The following BMPR1B variants were observed in gnomAD, a reference collection of about 807,000 sequenced individuals.
BMPR1B encodes the protein bone morphogenetic protein receptor type 1B.
A neutral mutation model predicts 59.1 loss-of-function variants in BMPR1B; 12 were observed. That is an observed-to-expected ratio of 0.20 (90% CI 0.13 to 0.33). The LOEUF is 0.33. BMPR1B is among the 10% of genes least tolerant of loss of function. The probability of loss-of-function intolerance (pLI) is 1.00; values close to 1 mark genes in which losing one functional copy is unlikely to be tolerated. For synonymous variants in BMPR1B, 237 were observed against 207.3 expected (o/e 1.14, Z -1.23); for missense variants, 550 against 610.9 (o/e 0.90, Z 1.05).
At chr4:95,010,984 TAA>T (rs559778340) in intron 3 of BMPR1B, among the ~76,000 whole-genome samples, 170 of 152,352 alleles carry the variant, frequency 1.1e-3, no homozygotes, top group African/African-American at 3.9e-3. Flanking sequence ...TAGAAAAAAC[TAA>T]AAGTTATTTC....
chr4:95,089,311 T>G (rs956943140), intron 3 of BMPR1B, among the ~76,000 whole-genome samples: 1 of 152,138 alleles, frequency 6.6e-6, no homozygotes, highest in Admixed American at 6.6e-5. Flanking sequence ...ACAGGCTTTT[T>G]GTTGTTCTTT....
intron 10 of BMPR1B, among the ~76,000 whole-genome samples, chr4:95,140,060 G>A (rs1734109583): frequency 6.6e-6 from 1 of 152,154 alleles, no homozygotes; most frequent in South Asian, 2.1e-4. Flanking sequence ...CGGCCATCTT[G>A]TAACTTCCCC....
chr4:95,119,870 A>G (rs191133406), intron 6 of BMPR1B, among the ~76,000 whole-genome samples: 2 of 152,286 alleles, frequency 1.3e-5, no homozygotes, highest in East Asian at 3.9e-4. Flanking sequence ...AGATAATCCA[A>G]AGATTTTCTG....
intron 6 of BMPR1B, among the ~76,000 whole-genome samples, chr4:95,119,192 T>C (rs1361380507): frequency 8.5e-5 from 13 of 152,156 alleles, no homozygotes. Context: ...TCTAGCATTC[T>C]CCTAAAATCT....
At chr4:94,883,494 C>G (rs1457463930) in intron 2 of BMPR1B, among the ~76,000 whole-genome samples, 2 of 152,018 alleles carry the variant, frequency 1.3e-5, no homozygotes, top group Non-Finnish European at 2.9e-5. Flanking sequence ...TGTTTACACC[C>G]TTTCTCTATT....
chr4:94,894,275 G>A (rs755836208), intron 2 of BMPR1B, among the ~76,000 whole-genome samples: 1 of 151,988 alleles, frequency 6.6e-6, no homozygotes, highest in Non-Finnish European at 1.5e-5. Context: ...GGGTCTCTGT[G>A]ACCTTGGCAA....
At chr4:94,772,863 T>G (rs1305669309) in intron 1 of BMPR1B, among the ~76,000 whole-genome samples, 1 of 152,146 alleles carries the variant, frequency 6.6e-6, no homozygotes, top group African/African-American at 2.4e-5. Context: ...TCCTTTTATT[T>G]GTTTTAATTT....
rs1203065716 is a variant in BMPR1B at position 94,869,282 on chromosome 4, CA to C, written c.-182-6547del. ...TCATCATTCATATATTGTATGAAAA[CA>C]ATTTTACACTTTACACTTCTTTTTC... On this transcript the variant is annotated intron_variant, in intron 1 of 12. Coordinates refer to ENST00000515059, the MANE Select transcript of BMPR1B (RefSeq NM_001203.3). Among the ~76,000 whole-genome samples, 3 of 152,106 alleles carry C rather than the reference CA, an allele frequency of 2.0e-5. No homozygotes were observed. In the East Asian group the frequency reaches 5.8e-4, roughly 29 times the overall value.
chr4:94,958,653 T>A (rs1166051537), intron 2 of BMPR1B, among the ~76,000 whole-genome samples: 1 of 152,204 alleles, frequency 6.6e-6, no homozygotes, highest in Non-Finnish European at 1.5e-5. Flanking sequence ...ACTGTCATAT[T>A]CTGAGACTTC....
intron 1 of BMPR1B, among the ~76,000 whole-genome samples, chr4:94,820,320 TA>T (rs1403097301): frequency 6.6e-6 from 1 of 152,198 alleles, no homozygotes; most frequent in Non-Finnish European, 1.5e-5. Flanking sequence ...GCCATTGGCG[TA>T]AAAGTCACCC....
intron 2 of BMPR1B, among the ~76,000 whole-genome samples, chr4:94,903,557 G>T (rs1727914417): frequency 6.7e-6 from 1 of 150,298 alleles, no homozygotes; most frequent in African/African-American, 2.4e-5. Flanking sequence ...ATGTTTCTGT[G>T]GTCCAGTATT....
At chr4:95,082,361 G>A (rs1008802763) in intron 3 of BMPR1B, among the ~76,000 whole-genome samples, 2 of 151,810 alleles carry the variant, frequency 1.3e-5, no homozygotes, top group Non-Finnish European at 2.9e-5. Flanking sequence ...TTTAAAAGTC[G>A]CAGAGCACAG....
intron 3 of BMPR1B, among the ~76,000 whole-genome samples, chr4:95,010,872 A>G (rs758262012): frequency 2.0e-5 from 3 of 152,180 alleles, no homozygotes; most frequent in Non-Finnish European, 4.4e-5. Flanking sequence ...CTCATGAGGC[A>G]TCGGACCATG....
chr4:94,882,576 CTT>C (rs553714052), intron 2 of BMPR1B, among the ~76,000 whole-genome samples: 8 of 152,278 alleles, frequency 5.3e-5, no homozygotes, highest in African/African-American at 1.7e-4. Context: ...TTATAATCCT[CTT>C]TTTGCAGATG....
chr4:94,963,987 T>C (rs924540178), intron 2 of BMPR1B, among the ~76,000 whole-genome samples: 3 of 152,176 alleles, frequency 2.0e-5, no homozygotes, highest in African/African-American at 7.2e-5. Flanking sequence ...TTCAATTTTT[T>C]GTATTATCTT....
At chr4:94,902,249 CAGAGAGAGAGAGAGAGAG>C (rs142124519) in intron 2 of BMPR1B, among the ~76,000 whole-genome samples, 2,983 of 68,714 alleles carry the variant, frequency 0.043, 59 homozygotes, top group South Asian at 0.082. Context: ...CACACACACA[CAGAGAGAGAGAGAGAGAG>C]AGAGAGAGAG....
intron 1 of BMPR1B, among the ~76,000 whole-genome samples, chr4:94,771,391 G>A (rs1722181412): frequency 6.6e-6 from 1 of 152,176 alleles, no homozygotes; most frequent in Admixed American, 6.5e-5. Flanking sequence ...AAAGATGACT[G>A]ACAATCAGCC....
At chr4:94,816,774 G>A (rs986487312) in intron 1 of BMPR1B, among the ~76,000 whole-genome samples, 28 of 152,164 alleles carry the variant, frequency 1.8e-4, no homozygotes, top group Admixed American at 5.2e-4. Flanking sequence ...GGAAGAAAAT[G>A]AAATGGTCCA....
chr4:95,049,897 G>T (rs1412690678), intron 3 of BMPR1B, among the ~76,000 whole-genome samples: 1 of 152,002 alleles, frequency 6.6e-6, no homozygotes, highest in East Asian at 1.9e-4. Context: ...ATCAGAAATG[G>T]TTGCTGATAT....
Sources: gnomAD v4.1 joint callset for allele counts (sites outside exome capture counted in the v4.1 genomes callset) on GRCh38, gnomAD v4.1.1 for gene constraint, MANE v1.5 for transcripts, NCBI Gene and HGNC (gene_info 2026-07-23, HGNC 2026-07-21) for gene names.